The following NR6A1 variants were observed in gnomAD, a reference collection of about 807,000 sequenced individuals.
NR6A1 encodes the protein retinoic acid receptor-related testis-associated receptor.
Under a neutral mutation model 59.1 loss-of-function variants are expected in NR6A1, and 7 were observed. That is an observed-to-expected ratio of 0.12 (90% CI 0.07 to 0.22). The LOEUF is 0.22. Among genes scored for constraint, NR6A1 ranks in the 10% least tolerant of loss-of-function variants. The pLI, the probability that NR6A1 is intolerant of heterozygous loss-of-function variation, is 1.00. For missense variants in NR6A1, 468 were observed against 611.6 expected, an observed-to-expected ratio of 0.77 and a Z score of 2.48; for synonymous variants, 243 against 236.1, an observed-to-expected ratio of 1.03 and a Z score of -0.27.
At chr9:124,707,825 C>T (rs962235993) in intron 2 of NR6A1, among the ~76,000 whole-genome samples, 1 of 152,172 alleles carries the variant, frequency 6.6e-6, no homozygotes, top group African/African-American at 2.4e-5. Flanking sequence ...CTTCCTACTC[C>T]ATTAAAGATT....
At chr9:124,726,918 T>C (rs913098858) in intron 2 of NR6A1, among the ~76,000 whole-genome samples, 2 of 152,230 alleles carry the variant, frequency 1.3e-5, no homozygotes, top group African/African-American at 4.8e-5. Flanking sequence ...GGTTTTCTGA[T>C]GGAAATAATA....
chr9:124,681,621 T>G (rs1434857533), intron 2 of NR6A1, among the ~76,000 whole-genome samples: 1 of 152,154 alleles, frequency 6.6e-6, no homozygotes, highest in African/African-American at 2.4e-5. Flanking sequence ...ATTACAGGCG[T>G]GAGCCACCAC....
chr9:124,526,639 T>G, intron 8 of NR6A1, 140 bp downstream of exon 8: 1 of 1,259,654 alleles, frequency 7.9e-7, no homozygotes, highest in East Asian at 2.4e-5. Context: ...GGTGCACAAG[T>G]CTTCCTGGAT....
intron 3 of NR6A1, among the ~76,000 whole-genome samples, chr9:124,545,780 G>A (rs753873045): frequency 6.6e-6 from 1 of 152,158 alleles, no homozygotes; most frequent in Non-Finnish European, 1.5e-5. Flanking sequence ...AGGGCCACAT[G>A]TCTTAAAGAT....
intron 2 of NR6A1, among the ~76,000 whole-genome samples, chr9:124,730,790 A>G (rs1230163844): frequency 6.6e-6 from 1 of 152,176 alleles, no homozygotes; most frequent in Non-Finnish European, 1.5e-5. Flanking sequence ...ACCATTTTCA[A>G]TTGCTACTAG....
intron 2 of NR6A1, among the ~76,000 whole-genome samples, chr9:124,669,688 T>C (rs1297320736): frequency 6.6e-6 from 1 of 152,198 alleles, no homozygotes; most frequent in African/African-American, 2.4e-5. Flanking sequence ...CACACAGGAA[T>C]GTTTACCCAA....
chr9:124,699,850 G>C (rs970472744), intron 2 of NR6A1, among the ~76,000 whole-genome samples: 4 of 152,076 alleles, frequency 2.6e-5, no homozygotes, highest in African/African-American at 4.8e-5. Flanking sequence ...TGGACATTTT[G>C]TTCTGGTTTT....
At chr9:124,609,492 T>C (rs990372530) in intron 2 of NR6A1, among the ~76,000 whole-genome samples, 8 of 152,234 alleles carry the variant, frequency 5.3e-5, no homozygotes, top group African/African-American at 1.9e-4. Flanking sequence ...ACCAGTACCA[T>C]GCTGTTTTGC....
chr9:124,524,579 T>C, intron 9 of NR6A1, 142 bp downstream of exon 9: 1 of 886,294 alleles, frequency 1.1e-6, no homozygotes, highest in Non-Finnish European at 1.7e-6. Flanking sequence ...ATAACAGACC[T>C]TTTTTGAGGG....
chr9:124,690,413 C>T (rs1398892282), intron 2 of NR6A1, among the ~76,000 whole-genome samples: 3 of 152,118 alleles, frequency 2.0e-5, no homozygotes, highest in African/African-American at 4.8e-5. Context: ...ACCAATATTT[C>T]GTGGTTTCTC....
At chr9:124,577,073 A>G (rs1034696164) in intron 2 of NR6A1, among the ~76,000 whole-genome samples, 2 of 151,916 alleles carry the variant, frequency 1.3e-5, no homozygotes, top group Non-Finnish European at 2.9e-5. Flanking sequence ...AAACCAAAAC[A>G]CCAAATGTAA....
At chr9:124,618,299 T>A (rs573614411) in intron 2 of NR6A1, among the ~76,000 whole-genome samples, 85 of 152,034 alleles carry the variant, frequency 5.6e-4, no homozygotes, top group Non-Finnish European at 1.0e-3. Context: ...CTGGACAACA[T>A]AATGAAACCC....
At chr9:124,558,448 A>G (rs1445819889) in intron 2 of NR6A1, among the ~76,000 whole-genome samples, 2 of 152,080 alleles carry the variant, frequency 1.3e-5, no homozygotes, top group Non-Finnish European at 2.9e-5. Flanking sequence ...CAGTGGTACA[A>G]AAGAAAGGCT....
At chr9:124,547,411 C>G (rs913231339) in intron 3 of NR6A1, among the ~76,000 whole-genome samples, 1 of 152,228 alleles carries the variant, frequency 6.6e-6, no homozygotes, top group Non-Finnish European at 1.5e-5. Flanking sequence ...ATCCTCATCT[C>G]TTGCCATAAA....
intron 1 of NR6A1, among the ~76,000 whole-genome samples, chr9:124,741,235 T>C (rs748055952): frequency 2.6e-5 from 4 of 152,240 alleles, no homozygotes; most frequent in Non-Finnish European, 4.4e-5. Flanking sequence ...AGTGAAAACA[T>C]AGTTGTCGTC....
intron 2 of NR6A1, chr9:124,598,658 A>AAC (rs1010986529): frequency 2.0e-5 from 8 of 391,808 alleles, no homozygotes; most frequent in Admixed American, 1.7e-4. Context: ...AAAAAAAAAA[A>AAC]AAAAAAAAAA....
intron 2 of NR6A1, among the ~76,000 whole-genome samples, chr9:124,709,278 T>G (rs1267806633): frequency 3.3e-5 from 5 of 152,186 alleles, no homozygotes; most frequent in African/African-American, 1.2e-4. Context: ...CTTAGAATAC[T>G]TCTACAGCTT....
chr9:124,567,094 C>A (rs1834275431), intron 2 of NR6A1, among the ~76,000 whole-genome samples: 1 of 148,868 alleles, frequency 6.7e-6, no homozygotes, highest in Admixed American at 6.7e-5. Context: ...GGCGACAGAG[C>A]GAGACTCCGT....
chr9:124,677,693 G>A (rs1337919891), intron 2 of NR6A1, among the ~76,000 whole-genome samples: 1 of 151,946 alleles, frequency 6.6e-6, no homozygotes, highest in Non-Finnish European at 1.5e-5. Flanking sequence ...ATTTATTGCA[G>A]CCCACAGGAT....
Sources: allele counts gnomAD v4.1 joint callset (sites outside exome capture counted in the v4.1 genomes callset), GRCh38; gene constraint gnomAD v4.1.1; transcripts MANE v1.5; gene names NCBI Gene and HGNC (gene_info 2026-07-23, HGNC 2026-07-21).